PCDHA4: variants seen among roughly 807,000 people sequenced by gnomAD.
PCDHA4 encodes the protein protocadherin alpha-4.
PCDHA4 carries 49 observed loss-of-function variants against 61.4 expected under a neutral mutation model. The observed-to-expected ratio is 0.80, with a 90% CI of 0.63 to 1.01. PCDHA4 has a LOEUF of 1.01. PCDHA4 is among the 50% of genes least tolerant of loss of function. The pLI, the probability that PCDHA4 is intolerant of heterozygous loss-of-function variation, is 0.00. For synonymous variants in PCDHA4, 590 were observed against 550.3 expected (o/e 1.07, Z -1.01); for missense variants, 1,254 against 1,235.8 (o/e 1.01, Z -0.22).
chr5:140,828,741 G>T, intron 1 of PCDHA4: 1 of 1,614,220 alleles, frequency 6.2e-7, no homozygotes, highest in Non-Finnish European at 8.5e-7. Context: ...GCCACAGATG[G>T]GGGCAAACCT....
At chr5:140,921,379 T>C (rs1186418255) in intron 1 of PCDHA4, among the ~76,000 whole-genome samples, 1 of 152,180 alleles carries the variant, frequency 6.6e-6, no homozygotes, top group Non-Finnish European at 1.5e-5. Context: ...TTTCTACATA[T>C]TTGATAAACA....
chr5:140,841,340 G>A lies in PCDHA4; in HGVS notation c.2385+31768G>A, dbSNP rs2150313851. On this transcript the variant is annotated intron_variant, in intron 1 of 3. Transcript: ENST00000530339. ...ATTTAACATGGATTATCACTGGCGA[G>A]GAGAGCTGGGATCCTGGCGACTACT... 11 of 1,611,670 alleles carry A rather than the reference G, an allele frequency of 6.8e-6. No individual in the cohort carries two copies. Among genetic ancestry groups the A allele is most frequent in the South Asian group, 5.5e-5 (5 of 90,928 alleles).
intron 1 of PCDHA4, chr5:140,929,369 G>A: frequency 6.6e-7 from 1 of 1,515,248 alleles, no homozygotes; most frequent in Admixed American, 2.2e-5. Context: ...CCCGGAGATG[G>A]CTGCTAGCTG....
At chr5:140,830,437 G>A (rs2150186472) in intron 1 of PCDHA4, 2 of 1,612,984 alleles carry the variant, frequency 1.2e-6, no homozygotes, top group South Asian at 1.1e-5. Context: ...GTCCTATTAT[G>A]ATGGGTAAGG....
intron 1 of PCDHA4, chr5:140,884,752 A>G (rs954313403): frequency 1.1e-5 from 16 of 1,429,736 alleles, no homozygotes; most frequent in East Asian, 2.5e-5. Context: ...CCAATTTCAA[A>G]TTATTCTTTA....
intron 1 of PCDHA4, among the ~76,000 whole-genome samples, chr5:140,959,868 C>A (rs532801353): frequency 8.5e-5 from 13 of 152,248 alleles, no homozygotes; most frequent in African/African-American, 2.9e-4. Flanking sequence ...GTAGCAAAAT[C>A]TGTCAAGGAA....
intron 3 of PCDHA4, among the ~76,000 whole-genome samples, chr5:140,992,189 G>T (rs1554252741): frequency 6.6e-6 from 1 of 152,098 alleles, no homozygotes; most frequent in Non-Finnish European, 1.5e-5. Context: ...TGCTTTCAGT[G>T]ATCTATCCAA....
At chr5:140,848,565 T>C (rs2150412911) in intron 1 of PCDHA4, 2 of 1,595,404 alleles carry the variant, frequency 1.3e-6, no homozygotes, top group African/African-American at 1.3e-5. Flanking sequence ...CCTCGCAATG[T>C]GGGTGGTGGG....
intron 1 of PCDHA4, among the ~76,000 whole-genome samples, chr5:140,838,347 A>G (rs2150288220): frequency 2.7e-5 from 4 of 150,406 alleles, no homozygotes; most frequent in Non-Finnish European, 4.4e-5. Context: ...TGGTCTCGAA[A>G]TCTGGGACTC....
intron 1 of PCDHA4, chr5:140,928,599 T>G: frequency 6.2e-7 from 1 of 1,614,224 alleles, no homozygotes. Context: ...CAGTGGAAAT[T>G]GTGCCCCGCT....
At chr5:140,950,384 T>C (rs1242946878) in intron 1 of PCDHA4, among the ~76,000 whole-genome samples, 8 of 152,028 alleles carry the variant, frequency 5.3e-5, no homozygotes, top group Non-Finnish European at 8.8e-5. Context: ...TCCATTTGAA[T>C]GATATAGAAT....
At chr5:140,822,164 C>T (rs2150114205) in intron 1 of PCDHA4, 3 of 1,614,200 alleles carry the variant, frequency 1.9e-6, no homozygotes, top group East Asian at 4.5e-5. Context: ...GACAATCCGC[C>T]CAGGTTCTCC....
At chr5:140,949,222 G>T (rs1472220330) in intron 1 of PCDHA4, among the ~76,000 whole-genome samples, 1 of 151,662 alleles carries the variant, frequency 6.6e-6, no homozygotes, top group Non-Finnish European at 1.5e-5. Flanking sequence ...GTTTAGACTT[G>T]TTCTGTGGCC....
chr5:140,995,285 C>G (rs1179283452), intron 3 of PCDHA4, among the ~76,000 whole-genome samples: 1 of 152,048 alleles, frequency 6.6e-6, no homozygotes, highest in African/African-American at 2.4e-5. Flanking sequence ...ACCAAAACAG[C>G]CAGTCGGATA....
intron 1 of PCDHA4, chr5:140,847,418 T>C (rs1171051220): frequency 6.7e-6 from 1 of 149,686 alleles, no homozygotes; most frequent in Non-Finnish European, 1.5e-5. Context: ...CTCACGGTTT[T>C]GCCTTTAGAC....
chr5:140,907,708 C>T (rs1477501652), intron 1 of PCDHA4, among the ~76,000 whole-genome samples: 1 of 152,142 alleles, frequency 6.6e-6, no homozygotes, highest in East Asian at 1.9e-4. Flanking sequence ...TGTTGCTGAG[C>T]CCATGTGTAA....
chr5:140,968,135 G>C (rs2096222877), intron 1 of PCDHA4: 2 of 1,614,034 alleles, frequency 1.2e-6, no homozygotes, highest in Non-Finnish European at 1.7e-6. Flanking sequence ...TACACTGAAG[G>C]TTGAGATCTC....
At chr5:140,879,137 G>A (rs1313863348) in intron 1 of PCDHA4, among the ~76,000 whole-genome samples, 2 of 152,210 alleles carry the variant, frequency 1.3e-5, no homozygotes, top group Non-Finnish European at 2.9e-5. Context: ...GGGAGATTGT[G>A]AAGGCAGGAA....
chr5:140,840,489 C>G (rs2150307286), intron 1 of PCDHA4, among the ~76,000 whole-genome samples: 3 of 151,924 alleles, frequency 2.0e-5, no homozygotes, highest in Non-Finnish European at 4.4e-5. Context: ...AGGCATAATT[C>G]TGGTAAATAC....
Sources: allele counts gnomAD v4.1 joint callset (sites outside exome capture counted in the v4.1 genomes callset), GRCh38; gene constraint gnomAD v4.1.1; transcripts MANE v1.5; gene names NCBI Gene and HGNC (gene_info 2026-07-23, HGNC 2026-07-21).